The following OLFM1 variants were observed in gnomAD, a reference collection of about 807,000 sequenced individuals.
OLFM1 encodes the protein noelin.
OLFM1 carries 9 observed loss-of-function variants against 49.7 expected under a neutral mutation model. That is an observed-to-expected ratio of 0.18 (90% CI 0.11 to 0.32). The LOEUF is 0.32. OLFM1 is among the 10% of genes least tolerant of loss of function. The pLI is 1.00. For synonymous variants in OLFM1, 240 were observed against 271.8 expected (o/e 0.88, Z 1.15); for missense variants, 369 against 661.8 (o/e 0.56, Z 4.85).
intron 3 of OLFM1, among the ~76,000 whole-genome samples, chr9:135,097,141 T>C (rs989018243): frequency 6.6e-6 from 1 of 152,238 alleles, no homozygotes; most frequent in Non-Finnish European, 1.5e-5. Flanking sequence ...CTAATGTTTT[T>C]CTTCGATGTG....
At chr9:135,077,205 C>A in intron 1 of OLFM1, 1 of 1,522,942 alleles carries the variant, frequency 6.6e-7, no homozygotes, top group East Asian at 2.5e-5. Context: ...CAGAGAAGAG[C>A]CAACCAGGTC....
At chr9:135,104,583 C>T (rs17039671) in intron 4 of OLFM1, among the ~76,000 whole-genome samples, 1,763 of 152,278 alleles carry the variant, frequency 0.012, 31 homozygotes, top group African/African-American at 0.04. Context: ...CTTCTCCTTC[C>T]GGACAACTAA....
At chr9:135,103,291 CT>C (rs1401198775) in intron 4 of OLFM1, among the ~76,000 whole-genome samples, 2 of 152,218 alleles carry the variant, frequency 1.3e-5, no homozygotes, top group Non-Finnish European at 2.9e-5. Flanking sequence ...TCCACTGAGG[CT>C]CTGCCATGGG....
At position 135,120,323 on chromosome 9, in the gene OLFM1, T is replaced by C; in HGVS notation, c.*145T>C. ...CGGATTCTGACATCGAGGGATGGCA[T>C]TACCTCCGTGTTTCTCCCTTTCGAG... On this transcript the variant is annotated 3_prime_UTR_variant, in exon 6 of 6. Coordinates refer to ENST00000371793, the MANE Select transcript of OLFM1 (RefSeq NM_001282611.2). The C allele has an allele frequency of 1.4e-6, 1 of 721,992 alleles. No homozygotes were observed. The highest frequency in any genetic ancestry group is 2.2e-6 in the Non-Finnish European group (1 of 449,562). The allele number at this position is 721,992 out of a possible 1,614,324, so 44.7% of individuals were successfully genotyped here. A position where few individuals can be genotyped will look rare whatever the true frequency, so the allele number is the denominator to read the frequency against.
chr9:135,107,741 T>G (rs1223550044), intron 5 of OLFM1, among the ~76,000 whole-genome samples: 1 of 152,088 alleles, frequency 6.6e-6, no homozygotes, highest in Non-Finnish European at 1.5e-5. Flanking sequence ...AATAAACACT[T>G]AAAAACAAAC....
rs1169514386 is a variant in OLFM1, at chr9:135,087,800, C to T, written c.-190C>T. On this transcript the variant is annotated 5_prime_UTR_variant, in exon 1 of 6. Coordinates refer to ENST00000371793, the MANE Select transcript of OLFM1 (RefSeq NM_001282611.2). ...GGCCACCTGGCCACCTTCCCTGGCG[C>T]CCGGGGAAGGCGCGGCGATGGCCGG... 14 of 728,512 alleles carry T rather than the reference C, an allele frequency of 1.9e-5. No homozygotes were observed. The highest frequency in any genetic ancestry group is 2.2e-5 in the Non-Finnish European group (13 of 597,908). 45.1% of individuals were successfully genotyped at this position (728,512 alleles called of 1,614,324 possible).
chr9:135,110,635 C>T (rs935375663), intron 5 of OLFM1, among the ~76,000 whole-genome samples: 7 of 152,188 alleles, frequency 4.6e-5, no homozygotes, highest in African/African-American at 1.2e-4. Flanking sequence ...TAAACATCAA[C>T]GCCCCTTCCA....
At chr9:135,086,727 G>C, upstream of OLFM1, 2 of 455,802 alleles carry the variant, frequency 4.4e-6, no homozygotes, top group South Asian at 3.1e-5. Context: ...ACACGCGTGA[G>C]TCCTGCTGCG....
intron 3 of OLFM1, among the ~76,000 whole-genome samples, 184 bp downstream of exon 3, chr9:135,096,203 C>A (rs113273122): frequency 2.4e-3 from 51 of 20,916 alleles, no homozygotes; most frequent in Admixed American, 2.9e-3. Context: ...CCTCCTCCCC[C>A]TCTTCATCCT....
chr9:135,090,005 G>A (rs993334035), intron 1 of OLFM1, among the ~76,000 whole-genome samples, 190 bp from the exon 2 acceptor site: 3 of 152,194 alleles, frequency 2.0e-5, no homozygotes, highest in African/African-American at 7.2e-5. Context: ...CCCCTAACAG[G>A]AGACCTGTGC....
In OLFM1 at chr9:135,113,781, C is replaced by T. The variant is rs938978428; in HGVS notation, c.784-5723C>T. 7.9e-5 allele frequency among the ~76,000 whole-genome samples: 12 copies of T among 152,200 alleles called. No homozygotes were observed. The highest frequency in any genetic ancestry group is 7.2e-4 in the Admixed American group (11 of 15,284). On this transcript the variant is annotated intron_variant, in intron 5 of 5. Coordinates refer to ENST00000371793, the MANE Select transcript of OLFM1 (RefSeq NM_001282611.2). The surrounding 1 kb of genome is among the most constrained non-coding windows in gnomAD (Gnocchi z 4.0). Reference sequence around the variant, plus strand: ...CAGGTGGGAGACACATGCCCGATGCCCCAGCACACGGGTGTGGAAGCCCAA... The same window carrying T: ...CAGGTGGGAGACACATGCCCGATGCTCCAGCACACGGGTGTGGAAGCCCAA...
rs1455517453 is a variant in OLFM1, at chr9:135,080,157, G to A, written c.96+4355G>A. ...TGAAGACCTCACTTCACTGCCCTGAGCAAATCCAACAAGTAGAAACGGCTA... is the reference window on the plus strand; with the variant it reads ...TGAAGACCTCACTTCACTGCCCTGAACAAATCCAACAAGTAGAAACGGCTA... On this transcript the variant is annotated intron_variant, in intron 1 of 5. Transcript: ENST00000252854. This position sits in a 1 kb window ranked among gnomAD's most constrained non-coding sequence, Gnocchi z 4.5. Among the ~76,000 whole-genome samples, 1 of 151,932 alleles carries A rather than the reference G, an allele frequency of 6.6e-6. No individual in the cohort carries two copies. The highest frequency in any genetic ancestry group is 1.5e-5 in the Non-Finnish European group (1 of 68,020).
At chr9:135,118,793 G>A (rs1040506858) in intron 5 of OLFM1, among the ~76,000 whole-genome samples, 13 of 149,394 alleles carry the variant, frequency 8.7e-5, no homozygotes, top group African/African-American at 2.5e-4. Context: ...AGTGCTCGCC[G>A]TGTCTTTGGA....
In OLFM1 at chr9:135,088,329, C is replaced by G. The variant is rs1830630449; in HGVS notation, c.150+190C>G. ...CGGTGGCGACCCTGCTCCCCGCTCCCCCAGCCTGGGCCACTCCATCTCCGC... is the reference window on the plus strand; with the variant it reads ...CGGTGGCGACCCTGCTCCCCGCTCCGCCAGCCTGGGCCACTCCATCTCCGC... On this transcript the variant is annotated intron_variant, in intron 1 of 5. Transcript: ENST00000371793. The surrounding 1 kb of genome is among the most constrained non-coding windows in gnomAD (Gnocchi z 4.8). Among the ~76,000 whole-genome samples the G allele has an allele frequency of 6.6e-6, 1 of 151,888 alleles. No individual in the cohort carries two copies. The highest frequency in any genetic ancestry group is 1.5e-5 in the Non-Finnish European group (1 of 67,936).
intron 1 of OLFM1, among the ~76,000 whole-genome samples, chr9:135,078,690 C>G (rs1830497398): frequency 6.6e-6 from 1 of 152,228 alleles, no homozygotes; most frequent in African/African-American, 2.4e-5. Flanking sequence ...ATCTCTGGGC[C>G]TTGGGGAAGG....
intron 2 of OLFM1, among the ~76,000 whole-genome samples, chr9:135,092,602 C>T (rs1032321924): frequency 3.3e-5 from 5 of 151,980 alleles, no homozygotes; most frequent in Admixed American, 1.3e-4. Context: ...TGGGGGCCGG[C>T]GAGAGTCAGG....
chr9:135,119,832 A>G lies in OLFM1; in HGVS notation c.1112A>G (p.Asn371Ser). ...GGGCTGTGGGCCGTGTACGCCACCA[A>G]CCAGAACGCTGGCAACATCGTGGTC... The part of the protein sequence containing the change: ...ESGLWAVYAT[N>S]QNAGNIVVSR... The change falls in exon 6 of 6, where the codon AAC becomes AGC. Residue 371 changes from asparagine (N) to serine (S), a missense_variant. Physicochemically the swap from Asn to Ser is conservative, Grantham distance 46. Coordinates refer to ENST00000371793, the MANE Select transcript of OLFM1 (RefSeq NM_001282611.2). 1 of 1,613,828 alleles carries G rather than the reference A, an allele frequency of 6.2e-7. No homozygotes were observed. The highest frequency in any genetic ancestry group is 8.5e-7 in the Non-Finnish European group (1 of 1,180,024).
At chr9:135,100,924 GATT>G (rs879325248) in intron 4 of OLFM1, among the ~76,000 whole-genome samples, 7 of 151,972 alleles carry the variant, frequency 4.6e-5, no homozygotes, top group Non-Finnish European at 1.0e-4. Context: ...ATAAATGATT[GATT>G]GATTGATTGA....
At chr9:135,087,257 C>A (rs984626339), upstream of OLFM1, 36 of 1,449,554 alleles carry the variant, frequency 2.5e-5, no homozygotes, top group Admixed American at 1.4e-4. Flanking sequence ...GGCTGGGACC[C>A]TCGAATCACC....
Sources: allele counts gnomAD v4.1 joint callset (sites outside exome capture counted in the v4.1 genomes callset), GRCh38; gene constraint gnomAD v4.1.1; non-coding constraint Gnocchi (gnomAD v3.1); transcripts MANE v1.5; gene names NCBI Gene and HGNC (gene_info 2026-07-23, HGNC 2026-07-21).